The following NDST3 variants were observed in gnomAD, a reference collection of about 807,000 sequenced individuals.
NDST3 encodes the protein bifunctional heparan sulfate N-deacetylase/N-sulfotransferase 3.
NDST3 carries 58 observed loss-of-function variants against 96.1 expected under a neutral mutation model. The observed-to-expected ratio is 0.60, with a 90% CI of 0.49 to 0.75. The LOEUF (loss-of-function observed/expected upper bound fraction) is 0.75, where lower values mean the gene tolerates loss of function less well. NDST3 is among the 30% of genes least tolerant of loss of function. NDST3 has a pLI of 0.00. For missense variants in NDST3, 788 were observed against 1,034.2 expected (o/e 0.76, Z 3.27); for synonymous variants, 333 against 359.7 (o/e 0.93, Z 0.84).
chr4:118,160,439 T>C (rs6855536), intron 6 of NDST3, among the ~76,000 whole-genome samples: 48,906 of 151,036 alleles, frequency 0.32, 8,686 homozygotes, highest in African/African-American at 0.46. Context: ...CAATAGCCAG[T>C]ATCTATAAGG....
chr4:118,100,429 T>G (rs544316410), intron 2 of NDST3, among the ~76,000 whole-genome samples: 190 of 152,142 alleles, frequency 1.2e-3, no homozygotes, highest in Non-Finnish European at 1.4e-3. Context: ...CCAAATCCTG[T>G]AATAAATGGC....
chr4:118,249,010 A>G, intron 12 of NDST3, among the ~76,000 whole-genome samples: 1 of 152,158 alleles, frequency 6.6e-6, no homozygotes, highest in East Asian at 1.9e-4. Context: ...GGGTATGCAC[A>G]CAGATGCCTA....
intron 12 of NDST3, among the ~76,000 whole-genome samples, chr4:118,253,199 T>C (rs1330583130): frequency 6.6e-6 from 1 of 152,200 alleles, no homozygotes; most frequent in Non-Finnish European, 1.5e-5. Flanking sequence ...ATTTTTTCCT[T>C]CCAGATGAAG....
intron 2 of NDST3, among the ~76,000 whole-genome samples, chr4:118,059,576 G>A (rs974022760): frequency 2.6e-5 from 4 of 152,082 alleles, no homozygotes; most frequent in Non-Finnish European, 4.4e-5. Context: ...GGGGCTGACT[G>A]TGGGAAGCTC....
chr4:118,129,146 A>G (rs1247189286), intron 4 of NDST3, among the ~76,000 whole-genome samples: 1 of 150,650 alleles, frequency 6.6e-6, no homozygotes, highest in East Asian at 1.9e-4. Context: ...TTTTTGTTTC[A>G]TTGACTTTTT....
intron 2 of NDST3, among the ~76,000 whole-genome samples, chr4:118,102,807 A>C (rs898512351): frequency 5.9e-5 from 9 of 152,140 alleles, no homozygotes; most frequent in Non-Finnish European, 1.2e-4. Context: ...ATCACTGTTT[A>C]TCTTAAGTAT....
intron 1 of NDST3, among the ~76,000 whole-genome samples, chr4:118,041,089 T>C (rs926944062): frequency 6.6e-6 from 1 of 151,680 alleles, no homozygotes; most frequent in Non-Finnish European, 1.5e-5. Context: ...TTAGGAGATA[T>C]CATAGTAGCC....
intron 4 of NDST3, 103 bp from the exon 5 acceptor site, chr4:118,137,951 T>C (rs1013115910): frequency 7.1e-5 from 67 of 938,570 alleles, no homozygotes; most frequent in Non-Finnish European, 9.6e-5. Flanking sequence ...TAAGTAATGA[T>C]GCATTTAAAT....
At chr4:118,251,174 T>G (rs1270256698) in intron 12 of NDST3, among the ~76,000 whole-genome samples, 1 of 144,674 alleles carries the variant, frequency 6.9e-6, no homozygotes, top group Non-Finnish European at 1.5e-5. Flanking sequence ...TCACCCAGGC[T>G]GGAGTGCAGT....
upstream of NDST3, among the ~76,000 whole-genome samples, chr4:118,033,397 G>C (rs1723980543): frequency 6.6e-6 from 1 of 152,102 alleles, no homozygotes; most frequent in African/African-American, 2.4e-5. Context: ...GGCGGCCGCC[G>C]CCAACCCGCC....
rs7435331 is a variant in NDST3, at chr4:118,186,237, A to C, written c.1540-38254A>C. On this transcript the variant is annotated intron_variant, in intron 6 of 13. Transcript: ENST00000296499. ...TCTGGTCTGCTGGGGCCTACTGTAC[A>C]AACTCAGTCTAAAACAATGGCTCCC... Among the ~76,000 whole-genome samples the C allele has an allele frequency of 5.6e-3, 858 of 152,272 alleles. 16 individuals carry two copies. Among genetic ancestry groups the C allele is most frequent in the African/African-American group, 0.02 (814 of 41,552 alleles).
intron 4 of NDST3, among the ~76,000 whole-genome samples, chr4:118,122,750 A>G (rs1368368561): frequency 5.3e-5 from 8 of 152,164 alleles, no homozygotes; most frequent in African/African-American, 1.7e-4. Flanking sequence ...TCTTAAGGAA[A>G]TGTAGGAAGA....
At chr4:118,112,186 T>C (rs1216169208) in intron 3 of NDST3, among the ~76,000 whole-genome samples, 1 of 152,048 alleles carries the variant, frequency 6.6e-6, no homozygotes, top group Non-Finnish European at 1.5e-5. Context: ...AATATTTTAG[T>C]CACAGATTTC....
At chr4:118,083,638 T>C (rs1490984839) in intron 2 of NDST3, among the ~76,000 whole-genome samples, 1 of 152,198 alleles carries the variant, frequency 6.6e-6, no homozygotes. Context: ...AGGGTAGAGA[T>C]ACAAGAAAGT....
intron 4 of NDST3, among the ~76,000 whole-genome samples, chr4:118,137,809 T>C (rs1292429923): frequency 6.6e-6 from 1 of 152,146 alleles, no homozygotes; most frequent in Non-Finnish European, 1.5e-5. Context: ...AAATTATTCA[T>C]TAAAATCACT....
chr4:118,230,214 T>TAGA (rs1560733197), intron 8 of NDST3, among the ~76,000 whole-genome samples: 1 of 152,168 alleles, frequency 6.6e-6, no homozygotes, highest in Non-Finnish European at 1.5e-5. Context: ...GCTTCATAGT[T>TAGA]ATTCTAAGTC....
chr4:118,152,590 T>C (rs372767498), intron 6 of NDST3, among the ~76,000 whole-genome samples: 56 of 152,266 alleles, frequency 3.7e-4, no homozygotes, highest in African/African-American at 1.3e-3. Context: ...TTACTTACAA[T>C]AGAAATAAAA....
intron 4 of NDST3, among the ~76,000 whole-genome samples, chr4:118,125,074 G>A (rs377707039): frequency 4.0e-5 from 6 of 151,894 alleles, no homozygotes; most frequent in African/African-American, 7.3e-5. Flanking sequence ...AACTCCTCTC[G>A]CCTACCCTAA....
chr4:118,244,722 CAAG>C (rs1217260015), intron 12 of NDST3, among the ~76,000 whole-genome samples: 2 of 151,946 alleles, frequency 1.3e-5, no homozygotes, highest in Non-Finnish European at 2.9e-5. Flanking sequence ...AAACTATTTT[CAAG>C]AAGAATCACA....
Sources: gnomAD v4.1 joint callset for allele counts (sites outside exome capture counted in the v4.1 genomes callset) on GRCh38, gnomAD v4.1.1 for gene constraint, MANE v1.5 for transcripts, NCBI Gene and HGNC (gene_info 2026-07-23, HGNC 2026-07-21) for gene names.